SDK1: variants seen among roughly 807,000 people sequenced by gnomAD.
SDK1 encodes protein sidekick-1.
In SDK1, 157 loss-of-function variants were observed where a neutral mutation model predicts 245.5. The observed-to-expected ratio is 0.64, with a 90% CI of 0.56 to 0.73. The LOEUF (loss-of-function observed/expected upper bound fraction) is 0.73, where lower values mean the gene tolerates loss of function less well. Ranked by LOEUF, SDK1 falls within the 30% of genes least tolerant of loss-of-function variation. SDK1 has a pLI of 0.00. For missense variants in SDK1, 3,583 were observed against 3,002.3 expected, an observed-to-expected ratio of 1.19 and a Z score of -4.52; for synonymous variants, 1,647 against 1,278.5, an observed-to-expected ratio of 1.29 and a Z score of -6.15.
chr7:3,342,070 G>A (rs535417358), intron 1 of SDK1, among the ~76,000 whole-genome samples: 6 of 152,066 alleles, frequency 3.9e-5, no homozygotes, highest in African/African-American at 1.4e-4. Flanking sequence ...TCAATGCGGT[G>A]GAACAGAGAA....
At chr7:3,694,116 A>G (rs1184032128) in intron 4 of SDK1, among the ~76,000 whole-genome samples, 1 of 152,190 alleles carries the variant, frequency 6.6e-6, no homozygotes, top group African/African-American at 2.4e-5. Flanking sequence ...TGGAAGGCAA[A>G]TTGTAAAAGA....
intron 4 of SDK1, among the ~76,000 whole-genome samples, chr7:3,656,689 T>A (rs1003907278): frequency 4.0e-5 from 6 of 151,708 alleles, no homozygotes; most frequent in African/African-American, 1.5e-4. Context: ...CTCTCTCTCA[T>A]GACAAGCCTG....
At chr7:3,628,021 C>G (rs552465615) in intron 2 of SDK1, among the ~76,000 whole-genome samples, 1 of 152,124 alleles carries the variant, frequency 6.6e-6, no homozygotes, top group Non-Finnish European at 1.5e-5. Flanking sequence ...AGTTAAGGAC[C>G]AAAGGTACTA....
intron 5 of SDK1, among the ~76,000 whole-genome samples, chr7:3,827,184 A>G (rs762227859): frequency 2.5e-4 from 38 of 152,138 alleles, no homozygotes; most frequent in African/African-American, 6.5e-4. Flanking sequence ...GGGAAGCTCA[A>G]TATGCCCGGT....
At chr7:3,448,806 G>A (rs1452012948) in intron 1 of SDK1, among the ~76,000 whole-genome samples, 1 of 152,074 alleles carries the variant, frequency 6.6e-6, no homozygotes, top group Admixed American at 6.6e-5. Flanking sequence ...TTTCAGTAAG[G>A]TAATGACTTT....
intron 1 of SDK1, among the ~76,000 whole-genome samples, chr7:3,499,730 G>A (rs544232327): frequency 3.9e-5 from 6 of 152,300 alleles, no homozygotes; most frequent in South Asian, 2.1e-4. Flanking sequence ...GGTCATAGCC[G>A]GGCCTGTTTT....
intron 13 of SDK1, among the ~76,000 whole-genome samples, chr7:3,983,436 G>T (rs1783571273): frequency 6.6e-6 from 1 of 152,230 alleles, no homozygotes; most frequent in Middle Eastern, 3.4e-3. Flanking sequence ...CCCTCCACCA[G>T]CAAAAAGACT....
At chr7:3,914,890 C>T (rs1013341388) in intron 5 of SDK1, among the ~76,000 whole-genome samples, 11 of 152,170 alleles carry the variant, frequency 7.2e-5, no homozygotes, top group African/African-American at 2.4e-4. Context: ...CAAAAGTCGT[C>T]GAAAGCGAGT....
At chr7:3,528,637 G>A (rs373400356) in intron 1 of SDK1, among the ~76,000 whole-genome samples, 178 of 152,186 alleles carry the variant, frequency 1.2e-3, no homozygotes, top group South Asian at 5.2e-3. Flanking sequence ...AGTGATGAAG[G>A]CAGCTTGGAT....
At chr7:3,491,314 T>C (rs1781857318) in intron 1 of SDK1, among the ~76,000 whole-genome samples, 1 of 152,180 alleles carries the variant, frequency 6.6e-6, no homozygotes, top group Non-Finnish European at 1.5e-5. Flanking sequence ...TACTCAGACT[T>C]TCTTCTCCAA....
At chr7:3,636,958 C>G (rs763895525) in intron 2 of SDK1, among the ~76,000 whole-genome samples, 1 of 151,992 alleles carries the variant, frequency 6.6e-6, no homozygotes, top group Non-Finnish European at 1.5e-5. Context: ...TTTTCATATA[C>G]CTGTTGACCA....
chr7:3,337,324 TGAA>T (rs1232384465), intron 1 of SDK1, among the ~76,000 whole-genome samples: 1 of 151,890 alleles, frequency 6.6e-6, no homozygotes, highest in Non-Finnish European at 1.5e-5. Context: ...TCAGTGAACT[TGAA>T]GACAGAAAAT....
At chr7:4,262,066 G>T (rs1410808827) in intron 44 of SDK1, among the ~76,000 whole-genome samples, 11 of 105,608 alleles carry the variant, frequency 1.0e-4, no homozygotes, top group African/African-American at 3.9e-4. Context: ...GTCTGGCTCT[G>T]TCACCCAGGC....
At chr7:4,141,577 A>G (rs1047340328) in intron 28 of SDK1, among the ~76,000 whole-genome samples, 21 of 152,048 alleles carry the variant, frequency 1.4e-4, no homozygotes, top group Admixed American at 1.2e-3. Flanking sequence ...ATCACACACA[A>G]CTCTCCAACA....
chr7:3,483,771 T>C (rs1226330642), intron 1 of SDK1, among the ~76,000 whole-genome samples: 1 of 152,230 alleles, frequency 6.6e-6, no homozygotes, highest in African/African-American at 2.4e-5. Flanking sequence ...CAGTCTCTGA[T>C]AGTTACATGA....
At chr7:3,464,387 G>A (rs1268475741) in intron 1 of SDK1, among the ~76,000 whole-genome samples, 1 of 152,128 alleles carries the variant, frequency 6.6e-6, no homozygotes, top group Non-Finnish European at 1.5e-5. Flanking sequence ...GCCCAGTGTA[G>A]TGGCATGCCT....
chr7:3,963,883 T>C (rs1452314894), intron 9 of SDK1, among the ~76,000 whole-genome samples: 1 of 104,966 alleles, frequency 9.5e-6, no homozygotes, highest in Non-Finnish European at 2.0e-5. Context: ...CCCGGACATA[T>C]CCAGTGGGTA....
intron 4 of SDK1, among the ~76,000 whole-genome samples, chr7:3,748,585 G>A (rs116579775): frequency 0.024 from 3,629 of 152,170 alleles, 143 homozygotes; most frequent in African/African-American, 0.084. Flanking sequence ...ACATGGATCT[G>A]GGAGGAAAAC....
At chr7:3,615,868 C>G (rs988182535) in intron 1 of SDK1, among the ~76,000 whole-genome samples, 1 of 141,808 alleles carries the variant, frequency 7.1e-6, no homozygotes, top group African/African-American at 2.5e-5. Context: ...TCTTCAAAGG[C>G]TTTTTGCTGT....
Sources: allele counts gnomAD v4.1 joint callset (sites outside exome capture counted in the v4.1 genomes callset), GRCh38; gene constraint gnomAD v4.1.1; transcripts MANE v1.5; gene names NCBI Gene and HGNC (gene_info 2026-07-23, HGNC 2026-07-21).